Variants in ABHD12 observed in about 807,000 individuals in gnomAD.
ABHD12 encodes the protein lysophosphatidylserine lipase ABHD12.
ABHD12 carries 43 observed loss-of-function variants against 58.3 expected under a neutral mutation model. The observed-to-expected ratio is 0.74, with a 90% confidence interval of 0.58 to 0.95. ABHD12 has a LOEUF of 0.95. ABHD12 is among the 40% of genes least tolerant of loss of function. The pLI, the probability that ABHD12 is intolerant of heterozygous loss-of-function variation, is 0.00. For missense variants in ABHD12, 539 were observed against 537.2 expected, an observed-to-expected ratio of 1.00 and a Z score of -0.03; for synonymous variants, 219 against 211.2, an observed-to-expected ratio of 1.04 and a Z score of -0.32.
At chr20:25,323,757 G>C (rs990146450) in intron 2 of ABHD12, among the ~76,000 whole-genome samples, 1 of 152,210 alleles carries the variant, frequency 6.6e-6, no homozygotes, top group Non-Finnish European at 1.5e-5. Flanking sequence ...TTCTAGGTGT[G>C]AGAAGATGCA....
chr20:25,371,756 C>T (rs916984182), intron 1 of ABHD12, among the ~76,000 whole-genome samples: 2 of 152,126 alleles, frequency 1.3e-5, no homozygotes, highest in African/African-American at 2.4e-5. Context: ...ACTGTGGATC[C>T]CAAGCTGGTC....
intron 1 of ABHD12, among the ~76,000 whole-genome samples, chr20:25,385,728 G>A (rs1412180101): frequency 6.6e-6 from 1 of 151,968 alleles, no homozygotes; most frequent in Non-Finnish European, 1.5e-5. Flanking sequence ...AAGGCACCAG[G>A]CTTAGACAGT....
chr20:25,361,551 G>C (rs2089748114), intron 1 of ABHD12, among the ~76,000 whole-genome samples: 1 of 152,096 alleles, frequency 6.6e-6, no homozygotes, highest in African/African-American at 2.4e-5. Flanking sequence ...GTATTTTGTT[G>C]TTGCTATTGC....
Position 25,358,362 on chromosome 20 carries a change from C to T in ABHD12, c.192-19011G>A, listed in dbSNP as rs145585556. Reference sequence around the variant, plus strand: ...CATATAGGATCTTTACTGGCAAAGTCAGTGACTATTCTTCTAAAATTTCCC... The same window carrying T: ...CATATAGGATCTTTACTGGCAAAGTTAGTGACTATTCTTCTAAAATTTCCC... On this transcript the variant is annotated intron_variant, in intron 1 of 12. Coordinates refer to ENST00000339157, the MANE Select transcript of ABHD12 (RefSeq NM_001042472.3). 2.0e-5 allele frequency among the ~76,000 whole-genome samples: 3 copies of T among 152,344 alleles called. No individual in the cohort carries two copies. The East Asian group carries it at 5.8e-4, about 29-fold the overall frequency.
chr20:25,371,568 A>G (rs530866549), intron 1 of ABHD12, among the ~76,000 whole-genome samples: 2 of 152,328 alleles, frequency 1.3e-5, no homozygotes, highest in African/African-American at 4.8e-5. Flanking sequence ...AAAATGTTCT[A>G]TAAAATGGGG....
chr20:25,346,174 CTT>C (rs1163433421), intron 1 of ABHD12, among the ~76,000 whole-genome samples: 1 of 152,056 alleles, frequency 6.6e-6, no homozygotes, highest in Non-Finnish European at 1.5e-5. Context: ...ATGGCAGAAA[CTT>C]AATATTATTT....
chr20:25,314,781 T>G, intron 6 of ABHD12, 144 bp downstream of exon 6: 3 of 931,376 alleles, frequency 3.2e-6, no homozygotes, highest in Non-Finnish European at 5.2e-6. Context: ...CATCAGGGTC[T>G]TTGTCAGGAC....
At chr20:25,389,088 GAGCC>G (rs2090135137) in intron 1 of ABHD12, among the ~76,000 whole-genome samples, 2 of 152,192 alleles carry the variant, frequency 1.3e-5, no homozygotes, top group Admixed American at 6.5e-5. Context: ...TTACAGGCGT[GAGCC>G]ACCGCGCCCG....
At chr20:25,350,226 A>G (rs561680073) in intron 1 of ABHD12, among the ~76,000 whole-genome samples, 71 of 152,222 alleles carry the variant, frequency 4.7e-4, no homozygotes, top group Non-Finnish European at 9.8e-4. Flanking sequence ...TATTAACACT[A>G]TTCTGGAAGT....
At chr20:25,322,381 A>ATATATATATTTATATATTTTTTTTTT in intron 3 of ABHD12, among the ~76,000 whole-genome samples, 1 of 59,284 alleles carries the variant, frequency 1.7e-5, no homozygotes, top group South Asian at 5.7e-4. Flanking sequence ...ATATATATAT[A>ATATATATATTTATATATTTTTTTTTT]TTTTTTTTTT....
chr20:25,367,422 A>T (rs1220439589), intron 1 of ABHD12, among the ~76,000 whole-genome samples: 1 of 152,220 alleles, frequency 6.6e-6, no homozygotes, highest in Non-Finnish European at 1.5e-5. Flanking sequence ...TACACGTAAC[A>T]AAATTTACCA....
intron 2 of ABHD12, among the ~76,000 whole-genome samples, chr20:25,327,817 T>C (rs2089201844): frequency 6.6e-6 from 1 of 152,208 alleles, no homozygotes; most frequent in African/African-American, 2.4e-5. Context: ...AAATCACTAT[T>C]GTAAAACCTA....
chr20:25,388,012 C>T (rs2090116380), intron 1 of ABHD12, among the ~76,000 whole-genome samples: 1 of 140,244 alleles, frequency 7.1e-6, no homozygotes, highest in Non-Finnish European at 1.5e-5. Flanking sequence ...GCACTCCAGC[C>T]TGGGCGACAA....
chr20:25,330,080 C>G (rs2089243911), intron 2 of ABHD12, among the ~76,000 whole-genome samples: 1 of 152,256 alleles, frequency 6.6e-6, no homozygotes, highest in African/African-American at 2.4e-5. Flanking sequence ...GAGTGCCAGA[C>G]AGTGGGCGCA....
chr20:25,328,946 G>C (rs1003148940), intron 2 of ABHD12, among the ~76,000 whole-genome samples: 1 of 152,232 alleles, frequency 6.6e-6, no homozygotes, highest in Non-Finnish European at 1.5e-5. Flanking sequence ...CCCGTGGCCA[G>C]TATTACTCTA....
At chr20:25,319,051 C>T (rs541705462) in intron 4 of ABHD12, among the ~76,000 whole-genome samples, 123 of 152,348 alleles carry the variant, frequency 8.1e-4, no homozygotes, top group Admixed American at 3.8e-3. Context: ...CCCTGACATA[C>T]CCTGGTGCCA....
chr20:25,380,260 T>C (rs1162829561), intron 1 of ABHD12, among the ~76,000 whole-genome samples: 2 of 151,902 alleles, frequency 1.3e-5, no homozygotes, highest in Non-Finnish European at 2.9e-5. Context: ...CATTGAGTGG[T>C]TTCTTTTGTT....
intron 5 of ABHD12, among the ~76,000 whole-genome samples, chr20:25,315,692 C>T (rs990177477): frequency 6.6e-6 from 1 of 152,198 alleles, no homozygotes; most frequent in Non-Finnish European, 1.5e-5. Context: ...CTGTTGACCT[C>T]AGCAGGATGA....
At chr20:25,353,350 G>A (rs2089627103) in intron 1 of ABHD12, among the ~76,000 whole-genome samples, 1 of 151,416 alleles carries the variant, frequency 6.6e-6, no homozygotes, top group Non-Finnish European at 1.5e-5. Flanking sequence ...GTAAATGAAA[G>A]TAAATAACTC....
Sources: allele counts gnomAD v4.1 joint callset (sites outside exome capture counted in the v4.1 genomes callset), GRCh38; gene constraint gnomAD v4.1.1; transcripts MANE v1.5; gene names NCBI Gene and HGNC (gene_info 2026-07-23, HGNC 2026-07-21).